The following GPHN variants were observed in gnomAD, a reference collection of about 807,000 sequenced individuals.
The protein encoded by GPHN is gephyrin.
A neutral mutation model predicts 95.5 loss-of-function variants in GPHN; 17 were observed. That is an observed-to-expected ratio of 0.18 (90% CI 0.12 to 0.27). The LOEUF is 0.27. Among genes scored for constraint, GPHN ranks in the 10% least tolerant of loss-of-function variants. The pLI, the probability that GPHN is intolerant of heterozygous loss-of-function variation, is 1.00. For missense variants in GPHN, 660 were observed against 978.1 expected (o/e 0.67, Z 4.34); for synonymous variants, 320 against 322.5 (o/e 0.99, Z 0.08).
chr14:67,409,194 G>C, the GPHN span, among the ~76,000 whole-genome samples: 1 of 152,040 alleles, frequency 6.6e-6, no homozygotes, highest in Admixed American at 6.6e-5. Context: ...AGTGAGCCTT[G>C]CTGATGCCAC....
intron 4 of GPHN, chr14:66,842,753 G>C (rs561603310): frequency 2.1e-6 from 3 of 1,438,046 alleles, no homozygotes; most frequent in Non-Finnish European, 2.8e-6. Flanking sequence ...ATCATTTTCA[G>C]ATTAATAATT....
intron 1 of GPHN, among the ~76,000 whole-genome samples, chr14:66,642,441 C>T (rs981283793): frequency 6.6e-6 from 1 of 151,920 alleles, no homozygotes; most frequent in Admixed American, 6.6e-5. Context: ...CTTAAGTCAG[C>T]AAGGAAATAG....
the GPHN span, among the ~76,000 whole-genome samples, chr14:67,406,615 C>T: frequency 1.3e-5 from 2 of 152,174 alleles, no homozygotes; most frequent in Admixed American, 6.5e-5. Flanking sequence ...AGCAGAAAGA[C>T]AGCAAGCTTA....
intron 2 of GPHN, among the ~76,000 whole-genome samples, chr14:66,738,319 T>C (rs923746681): frequency 2.6e-5 from 4 of 152,184 alleles, no homozygotes; most frequent in African/African-American, 9.7e-5. Flanking sequence ...CTAAAATAGT[T>C]ACATAAGAAC....
the GPHN span, among the ~76,000 whole-genome samples, chr14:67,280,890 CT>C: frequency 3.3e-5 from 3 of 92,124 alleles, no homozygotes; most frequent in African/African-American, 1.4e-4. Context: ...CCTTTTCTTT[CT>C]TTTCTTTCTT....
intron 5 of GPHN, among the ~76,000 whole-genome samples, chr14:66,892,164 T>G (rs1456086332): frequency 6.6e-6 from 1 of 152,110 alleles, no homozygotes; most frequent in Non-Finnish European, 1.5e-5. Flanking sequence ...GGTTTAAACC[T>G]GTAATCCCAA....
chr14:67,087,037 C>CA (rs60067524), intron 11 of GPHN, among the ~76,000 whole-genome samples: 26,362 of 77,042 alleles, frequency 0.34, 6,574 homozygotes, highest in African/African-American at 0.65. Flanking sequence ...GACTCTGTCT[C>CA]AAAAAAAAAA....
At chr14:67,455,241 G>A in the GPHN span, among the ~76,000 whole-genome samples, 20 of 152,226 alleles carry the variant, frequency 1.3e-4, no homozygotes, top group Middle Eastern at 3.4e-3. Flanking sequence ...GTAGCCCTGC[G>A]GCCCACCCTC....
At chr14:67,144,262 T>G (rs866779982) in intron 18 of GPHN, among the ~76,000 whole-genome samples, 1 of 82,010 alleles carries the variant, frequency 1.2e-5, no homozygotes, top group African/African-American at 7.7e-5. Flanking sequence ...TATATATATA[T>G]ATATATATAT....
chr14:67,298,429 C>T, the GPHN span, among the ~76,000 whole-genome samples: 4 of 151,304 alleles, frequency 2.6e-5, no homozygotes, highest in South Asian at 2.1e-4. Context: ...GCAGGAGAAT[C>T]GCTTGAACCC....
intron 2 of GPHN, among the ~76,000 whole-genome samples, chr14:66,752,802 G>A (rs1030635554): frequency 6.6e-6 from 1 of 151,930 alleles, no homozygotes; most frequent in Middle Eastern, 3.4e-3. Context: ...GCACAATAAA[G>A]CGAAGCACAA....
chr14:66,788,740 T>C (rs2059871688), intron 3 of GPHN, among the ~76,000 whole-genome samples: 1 of 152,178 alleles, frequency 6.6e-6, no homozygotes, highest in Admixed American at 6.5e-5. Context: ...CACTGCAACC[T>C]CCAACCCCCA....
the GPHN span, chr14:67,592,193 G>T: frequency 4.2e-6 from 1 of 238,948 alleles, no homozygotes; most frequent in Non-Finnish European, 8.7e-6. Flanking sequence ...CCAACACTTT[G>T]GGAGGCTGAG....
In GPHN at chr14:66,862,458, G is replaced by A. The variant is rs143027832; in HGVS notation, c.295-17481G>A. On this transcript the variant is annotated intron_variant, in intron 4 of 22. Coordinates refer to ENST00000478722, the MANE Select transcript of GPHN (RefSeq NM_020806.5). ...TCAAAGTATTCCGAAATACAAGGAG[G>A]AGGGAATACTTCCAAACTCATTCTA... Among the ~76,000 whole-genome samples, 11 of 152,162 alleles carry A rather than the reference G, an allele frequency of 7.2e-5. No homozygotes were observed. The South Asian group carries it at 1.0e-3, about 14-fold the overall frequency.
At chr14:66,841,055 A>G (rs967151931) in intron 4 of GPHN, among the ~76,000 whole-genome samples, 1 of 151,014 alleles carries the variant, frequency 6.6e-6, no homozygotes, top group African/African-American at 2.4e-5. Context: ...AGATATATAC[A>G]TGCCAGGCAC....
At position 66,892,153 on chromosome 14, in the gene GPHN, T is replaced by C. The variant is rs572605974; in HGVS notation, c.389+12120T>C. Among the ~76,000 whole-genome samples the C allele has an allele frequency of 2.0e-5, 3 of 152,230 alleles. No individual in the cohort carries two copies. In the South Asian group the frequency reaches 6.2e-4, roughly 32 times the overall value. Reference sequence around the variant, plus strand: ...AATTGAAAGCAGGGGCTGGGTGTGGTGGTTTAAACCTGTAATCCCAACACT... The same window carrying C: ...AATTGAAAGCAGGGGCTGGGTGTGGCGGTTTAAACCTGTAATCCCAACACT... On this transcript the variant is annotated intron_variant, in intron 5 of 22. Coordinates refer to ENST00000478722, the MANE Select transcript of GPHN (RefSeq NM_020806.5).
chr14:67,710,437 G>C, the GPHN span, among the ~76,000 whole-genome samples: 1 of 152,012 alleles, frequency 6.6e-6, no homozygotes, highest in Non-Finnish European at 1.5e-5. Flanking sequence ...CGCTTATTGT[G>C]ACTTACATAG....
chr14:67,656,657 A>C, the GPHN span: 2 of 1,492,800 alleles, frequency 1.3e-6, no homozygotes, highest in Non-Finnish European at 1.8e-6. Flanking sequence ...CATATTCCTC[A>C]TCACCTTCCC....
chr14:66,810,425 C>T (rs1018367448), intron 3 of GPHN, among the ~76,000 whole-genome samples: 1 of 151,106 alleles, frequency 6.6e-6, no homozygotes, highest in Non-Finnish European at 1.5e-5. Flanking sequence ...ATATATTATC[C>T]ATGTCTAATT....
Sources: allele counts gnomAD v4.1 joint callset (sites outside exome capture counted in the v4.1 genomes callset), GRCh38; gene constraint gnomAD v4.1.1; transcripts MANE v1.5; gene names NCBI Gene and HGNC (gene_info 2026-07-23, HGNC 2026-07-21).